Variants in WLS observed in about 807,000 individuals in gnomAD.
WLS encodes Wnt ligand secretion mediator.
A neutral mutation model predicts 62.8 loss-of-function variants in WLS; 23 were observed. The ratio of observed to expected loss-of-function variants is 0.37; its 90% CI spans 0.26 to 0.52. WLS has a LOEUF of 0.52. WLS is among the 20% of genes least tolerant of loss of function. WLS has a pLI of 0.92. For synonymous variants in WLS, 246 were observed against 244.1 expected, an observed-to-expected ratio of 1.01 and a Z score of -0.07; for missense variants, 615 against 697.3, an observed-to-expected ratio of 0.88 and a Z score of 1.33.
chr1:68,163,090 T>C, intron 2 of WLS: 9 of 1,558,716 alleles, frequency 5.8e-6, no homozygotes, highest in Non-Finnish European at 7.9e-6. Context: ...ACAAGGGCCA[T>C]ACTTTATGGA....
intron 2 of WLS, chr1:68,162,581 A>T: frequency 1.3e-6 from 2 of 1,506,106 alleles, no homozygotes; most frequent in East Asian, 2.3e-5. Context: ...CCCGAGGCCA[A>T]CTCGCGGTTC....
intron 1 of WLS, among the ~76,000 whole-genome samples, chr1:68,199,905 C>G (rs1648907033): frequency 6.6e-6 from 1 of 152,070 alleles, no homozygotes; most frequent in Non-Finnish European, 1.5e-5. Context: ...ACAAATGGCC[C>G]CAAAGAGCCT....
chr1:68,168,152 C>T (rs771976596), intron 2 of WLS, among the ~76,000 whole-genome samples: 40 of 152,072 alleles, frequency 2.6e-4, no homozygotes, highest in Non-Finnish European at 4.4e-4. Context: ...TCTAGTGTCC[C>T]CAAGAAATCT....
At chr1:68,189,991 A>T (rs573412746) in intron 2 of WLS, among the ~76,000 whole-genome samples, 1 of 152,388 alleles carries the variant, frequency 6.6e-6, no homozygotes, top group East Asian at 1.9e-4. Context: ...CCTGGGTGAC[A>T]GAGCGAGACT....
At chr1:68,125,357 G>A (rs6695028), downstream of WLS, 343 of 985,404 alleles carry the variant, frequency 3.5e-4, 2 homozygotes, top group African/African-American at 5.7e-3. Context: ...GCACGCATGT[G>A]TATGAGTTTT....
chr1:68,167,697 G>T (rs1178175112), intron 2 of WLS, among the ~76,000 whole-genome samples: 1 of 152,144 alleles, frequency 6.6e-6, no homozygotes, highest in Non-Finnish European at 1.5e-5. Flanking sequence ...TATACCAGCA[G>T]CTTTGGTATA....
intron 10 of WLS, among the ~76,000 whole-genome samples, chr1:68,138,810 A>G (rs765981012): frequency 2.0e-5 from 3 of 152,222 alleles, no homozygotes; most frequent in Non-Finnish European, 4.4e-5. Context: ...TAAAATGGAA[A>G]TAGAAGAAAG....
intron 1 of WLS, among the ~76,000 whole-genome samples, chr1:68,210,720 A>G (rs1301444372): frequency 2.0e-5 from 3 of 152,170 alleles, no homozygotes; most frequent in African/African-American, 7.2e-5. Context: ...TGGAAGGTCC[A>G]CTGGGCGGAA....
chr1:68,131,069 T>TGTGTGTGG (rs1226534147), intron 11 of WLS, among the ~76,000 whole-genome samples: 1 of 116,150 alleles, frequency 8.6e-6, no homozygotes, highest in Non-Finnish European at 1.9e-5. Context: ...ATTTTGTGTG[T>TGTGTGTGG]GTGTGTGTGT....
At chr1:68,228,118 C>T in intron 1 of WLS, 1 of 353,212 alleles carries the variant, frequency 2.8e-6, no homozygotes, top group South Asian at 2.3e-5. Flanking sequence ...ACATTACATC[C>T]TCAACATTAA....
At chr1:68,122,291 G>T (rs1213424741), downstream of WLS, among the ~76,000 whole-genome samples, 3 of 152,080 alleles carry the variant, frequency 2.0e-5, no homozygotes, top group Admixed American at 6.6e-5. Flanking sequence ...GGACCCCAGG[G>T]GTATGAGTTC....
intron 11 of WLS, chr1:68,127,094 C>G: frequency 2.5e-6 from 1 of 403,780 alleles, no homozygotes; most frequent in Non-Finnish European, 4.9e-6. Flanking sequence ...ACTCAGGAGG[C>G]TGAGGCAGGA....
intron 10 of WLS, 131 bp from the exon 11 acceptor site, chr1:68,138,064 G>C: frequency 9.9e-7 from 1 of 1,014,858 alleles, no homozygotes; most frequent in Non-Finnish European, 1.4e-6. Flanking sequence ...GGCCATGTAA[G>C]ACTCCATCTT....
chr1:68,108,955 G>T (rs1416525842), intron 11 of WLS, among the ~76,000 whole-genome samples: 1 of 152,140 alleles, frequency 6.6e-6, no homozygotes, highest in Non-Finnish European at 1.5e-5. Flanking sequence ...AGCACTTCTG[G>T]TACTATAAGG....
chr1:68,103,859 G>T (rs1250139250), intron 11 of WLS, among the ~76,000 whole-genome samples: 6 of 152,196 alleles, frequency 3.9e-5, no homozygotes, highest in Non-Finnish European at 7.3e-5. Context: ...AGCTCATTTT[G>T]TGTTTAAACA....
chr1:68,185,057 C>T (rs1647838996), intron 2 of WLS, among the ~76,000 whole-genome samples: 1 of 152,260 alleles, frequency 6.6e-6, no homozygotes. Context: ...GGGGAGGTTT[C>T]TCCACACACC....
Position 68,194,220 on chromosome 1 carries a change from C to T in WLS, c.114G>A (p.Gly38=), listed in dbSNP as rs895340835. 3.7e-6 allele frequency: 6 copies of T among 1,613,496 alleles called. No homozygotes were observed. The East Asian group carries it at 1.3e-4, about 36-fold the overall frequency. Reference sequence around the variant, plus strand: ...ACATGTAGGACACTGCCGTTGTGGGCCCTGGAGCTGAAAAGAGAAAGTTTG... The same window carrying T: ...ACATGTAGGACACTGCCGTTGTGGGTCCTGGAGCTGAAAAGAGAAAGTTTG... The part of the protein sequence containing the change: ...AFLVGGLIAP[G]PTTAVSYMSV... The change falls in exon 2 of 12, where the codon GGG becomes GGA. Residue 38 remains glycine, a synonymous_variant. Coordinates refer to ENST00000262348, the MANE Select transcript of WLS (RefSeq NM_024911.7).
At chr1:68,179,591 C>T (rs1021317600) in intron 2 of WLS, among the ~76,000 whole-genome samples, 3 of 152,170 alleles carry the variant, frequency 2.0e-5, no homozygotes, top group African/African-American at 4.8e-5. Flanking sequence ...ACTAACTTAA[C>T]CAGAAATCAG....
chr1:68,213,393 G>T (rs1258779997), intron 1 of WLS, among the ~76,000 whole-genome samples: 1 of 149,334 alleles, frequency 6.7e-6, no homozygotes, highest in African/African-American at 2.5e-5. Context: ...AGAGGTTGCA[G>T]TGAGCTGAGA....
Sources: gnomAD v4.1 joint callset for allele counts (sites outside exome capture counted in the v4.1 genomes callset) on GRCh38, gnomAD v4.1.1 for gene constraint, MANE v1.5 for transcripts, NCBI Gene and HGNC (gene_info 2026-07-23, HGNC 2026-07-21) for gene names.